The following SERPINA7 variants were observed in gnomAD, a reference collection of about 807,000 sequenced individuals.
SERPINA7 encodes the protein serpin family A member 7.
SERPINA7 carries 14 observed loss-of-function variants against 16.0 expected under a neutral mutation model. The ratio of observed to expected loss-of-function variants is 0.88; its 90% CI spans 0.58 to 1.37. SERPINA7 has a LOEUF of 1.37. SERPINA7 is among the 40% of genes most tolerant of loss of function. SERPINA7 has a pLI of 0.00. For missense variants in SERPINA7, 335 were observed against 296.6 expected, an observed-to-expected ratio of 1.13 and a Z score of -0.95; for synonymous variants, 140 against 111.0, an observed-to-expected ratio of 1.26 and a Z score of -1.65.
Position 106,033,439 on chromosome X carries a change from A to ATTAT in SERPINA7, c.*57_*60dup. 1 of 1,138,946 alleles carries ATTAT rather than the reference A, an allele frequency of 8.8e-7. No individual in the cohort carries two copies. The allele number at this position is 1,138,946 out of a possible 1,213,427, so 93.9% of individuals were successfully genotyped here. A position where few individuals can be genotyped will look rare whatever the true frequency, so the allele number is the denominator to read the frequency against. On this transcript the variant is annotated 3_prime_UTR_variant, in exon 5 of 5. Coordinates refer to ENST00000372563, the MANE Select transcript of SERPINA7 (RefSeq NM_000354.6). ...GCTCACATCAATCACACCAGGCTATATTATTTATTTATTTCCCATTGCAAT... is the reference window on the plus strand; with the variant it reads ...GCTCACATCAATCACACCAGGCTATATTATTTATTTATTTATTTCCCATTGCAAT...
At chrX:106,036,019 C>T (rs1468033345) in intron 2 of SERPINA7, among the ~76,000 whole-genome samples, 1 of 112,227 alleles carries the variant, frequency 8.9e-6, no homozygotes, top group Non-Finnish European at 1.9e-5. Context: ...GTTTAGTACA[C>T]AGTGAGTGCA....
chrX:106,036,678 T>C lies in SERPINA7; in HGVS notation c.381A>G (p.Glu127=). The C allele has an allele frequency of 8.3e-7, 1 of 1,211,029 alleles. No individual in the cohort carries two copies. Among genetic ancestry groups the C allele is most frequent in the Non-Finnish European group, 1.1e-6 (1 of 895,219 alleles). Residue 127 remains glutamate (E), a synonymous_variant, in exon 2 of 5, where the codon GAA becomes GAG. Coordinates refer to ENST00000372563, the MANE Select transcript of SERPINA7 (RefSeq NM_000354.6). ...CSLNFPKKEL[E]LQIGNALFIG... is the part of the protein sequence containing the mutation. ...TGAAGAGGGCATTTCCTATCTGCAATTCCAGTTCCTTCTTTGGAAAATTCA... is the reference window on the plus strand; with the variant it reads ...TGAAGAGGGCATTTCCTATCTGCAACTCCAGTTCCTTCTTTGGAAAATTCA...
intron 1 of SERPINA7, 121 bp downstream of exon 1, chrX:106,038,577 A>T (rs957619157): frequency 1.3e-4 from 14 of 111,332 alleles, no homozygotes; most frequent in Admixed American, 7.7e-4. Flanking sequence ...GACCACACTT[A>T]GACCTTCACC....
intron 1 of SERPINA7, chrX:106,037,295 G>A (rs2041459545): frequency 7.7e-6 from 3 of 391,449 alleles, no homozygotes; most frequent in South Asian, 4.5e-5. Flanking sequence ...CTGCAACCAC[G>A]GAAATAATGC....
rs1406970506 is a variant in SERPINA7, at chrX:106,035,261, A to G, written c.747T>C (p.Asp249=). The G allele has an allele frequency of 1.7e-6, 2 of 1,211,136 alleles. No individual in the cohort carries two copies. Among genetic ancestry groups the G allele is most frequent in the Non-Finnish European group, 2.2e-6 (2 of 895,099 alleles). The change falls in exon 3 of 5, where the codon GAT becomes GAC. Residue 249 remains aspartate, a synonymous_variant. Coordinates refer to ENST00000372563, the MANE Select transcript of SERPINA7 (RefSeq NM_000354.6). ...HQMEQYYHLV[D]MELNCTVLQM... is the part of the protein sequence containing the mutation. ...GCAGAACTGTGCAGTTCAATTCCAT[A>G]TCCACTAGGTGATAGTATTGTTCCA...
chrX:106,036,575 C>T lies in SERPINA7; in HGVS notation c.484G>A (p.Asp162Asn), dbSNP rs202158938. The T allele has an allele frequency of 1.5e-5, 18 of 1,210,991 alleles. No individual in the cohort carries two copies. Among genetic ancestry groups the T allele is most frequent in the East Asian group, 5.9e-5 (2 of 33,785 alleles). The part of the protein sequence containing the change: ...TLYETEVFST[D>N]FSNISAAKQE... ...TTGGCTGCAGAAATGTTGGAGAAGT[C>T]GGTAGAAAAGACTTCAGTCTCATAG... Residue 162 changes from aspartate (D) to asparagine (N), a missense_variant, in exon 2 of 5, where the codon GAC becomes AAC. Transcript: ENST00000372563.
At chrX:106,035,460 T>C in intron 2 of SERPINA7, 75 bp from the exon 3 acceptor site, 1 of 1,023,541 alleles carries the variant, frequency 9.8e-7, no homozygotes, top group Non-Finnish European at 1.4e-6. Context: ...CCATTAGTGA[T>C]TTCATTTAGA....
Position 106,033,375 on chromosome X carries a change from G to T in SERPINA7, c.*125C>A. The T allele has an allele frequency of 2.3e-6, 2 of 879,345 alleles. No homozygotes were observed. Among genetic ancestry groups the T allele is most frequent in the Non-Finnish European group, 3.3e-6 (2 of 597,612 alleles). 72.5% of individuals were successfully genotyped at this position (879,345 alleles called of 1,213,427 possible). On this transcript the variant is annotated 3_prime_UTR_variant, in exon 5 of 5. Coordinates refer to ENST00000372563, the MANE Select transcript of SERPINA7 (RefSeq NM_000354.6). ...CCACAGCCAACAAAGTTCAGCCAGG[G>T]TTCAATCTTCATCCCATCATAAGGG...
rs958307382 is a variant in SERPINA7 at position 106,036,796 on chromosome X, G to T, written c.263C>A (p.Thr88Asn). The T allele has an allele frequency of 1.1e-5, 13 of 1,209,036 alleles. No individual in the cohort carries two copies. The highest frequency in any genetic ancestry group is 1.2e-5 in the Non-Finnish European group (11 of 894,869). Residue 88 changes from threonine to asparagine, a missense_variant, in exon 2 of 5, where the codon ACC becomes AAC. By Grantham distance (65) the Thr-to-Asn change is moderately conservative. Transcript: ENST00000372563. ...CAAGGTCTCCACAATCTCAGTTTGGGTGCTGCAGCAGGCCCCAAAGGAAAG... is the reference window on the plus strand; with the variant it reads ...CAAGGTCTCCACAATCTCAGTTTGGTTGCTGCAGCAGGCCCCAAAGGAAAG... ...VMLSFGACCS[T>N]QTEIVETLGF...
In SERPINA7 at chrX:106,036,894, C is replaced by T. The variant is rs2147843094; in HGVS notation, c.165G>A (p.Arg55=). 1 of 1,210,824 alleles carries T rather than the reference C, an allele frequency of 8.3e-7. No individual in the cohort carries two copies. The change falls in exon 2 of 5, where the codon CGG becomes CGA. Residue 55 remains arginine (R), a synonymous_variant. Coordinates refer to ENST00000372563, the MANE Select transcript of SERPINA7 (RefSeq NM_000354.6). ...TATCTGGGGTCTCCACAGTGAACCT[C>T]CGGTACAGATTGAATGCAAAGTCAG... The part of the protein sequence containing the change: ...INADFAFNLY[R]RFTVETPDKN...
In SERPINA7 at chrX:106,033,607, G is replaced by A. The variant is rs2234040; in HGVS notation, c.1141C>T (p.Leu381=). Residue 381 remains leucine, a synonymous_variant, in exon 5 of 5, where the codon CTA becomes TTA. Coordinates refer to ENST00000372563, the MANE Select transcript of SERPINA7 (RefSeq NM_000354.6). ...CTATCAATTTGGATAATAGGGTGTA[G>A]GAAAGTGTTTTCAGGCTGATCCGAA... The part of the protein sequence containing the change: ...ELSDQPENTF[L]HPIIQIDRSF... The A allele has an allele frequency of 1.7e-6, 2 of 1,211,324 alleles. No individual in the cohort carries two copies. Among genetic ancestry groups the A allele is most frequent in the East Asian group, 3.0e-5 (1 of 33,812 alleles).
chrX:106,032,719 T>G lies in SERPINA7; in HGVS notation c.*781A>C, dbSNP rs2041417083. 9.0e-6 allele frequency: 1 copy of G among 111,312 alleles called. No homozygotes were observed. Among genetic ancestry groups the G allele is most frequent in the Admixed American group, 9.6e-5 (1 of 10,442 alleles). 9.2% of individuals were successfully genotyped at this position (111,312 alleles called of 1,213,427 possible). A position where few individuals can be genotyped will look rare whatever the true frequency, so the allele number is the denominator to read the frequency against. On this transcript the variant is annotated 3_prime_UTR_variant, in exon 5 of 5. Transcript: ENST00000372563. ...ACAAAAGTACCAATATTCAGTGAAA[T>G]TAGAGCCAAAAAGGAGATTCCTACT...
In SERPINA7 at chrX:106,032,468, G is replaced by A. The variant is rs2041415036; in HGVS notation, c.*1032C>T. 1 of 112,137 alleles carries A rather than the reference G, an allele frequency of 8.9e-6. No homozygotes were observed. The highest frequency in any genetic ancestry group is 1.9e-5 in the Non-Finnish European group (1 of 53,184). 9.2% of individuals were successfully genotyped at this position (112,137 alleles called of 1,213,427 possible). On this transcript the variant is annotated 3_prime_UTR_variant, in exon 5 of 5. Coordinates refer to ENST00000372563, the MANE Select transcript of SERPINA7 (RefSeq NM_000354.6). ...TAAACATAAATATTTATTTCAATAT[G>A]GAAGTACAACATCTGCAACAGTACT...
Position 106,033,133 on chromosome X carries a change from T to G in SERPINA7, c.*367A>C. The G allele has an allele frequency of 4.0e-6, 1 of 250,834 alleles. No individual in the cohort carries two copies. The highest frequency in any genetic ancestry group is 2.8e-5 in the African/African-American group (1 of 35,618). 20.7% of individuals were successfully genotyped at this position (250,834 alleles called of 1,213,427 possible). A position where few individuals can be genotyped will look rare whatever the true frequency, so the allele number is the denominator to read the frequency against. On this transcript the variant is annotated 3_prime_UTR_variant, in exon 5 of 5. Transcript: ENST00000372563. ...CATTGTTTTATGTCCATTGATCTTA[T>G]TGGAGTACTGGGATACGAAGACCTG... is the stretch of plus-strand genomic sequence containing the variant.
intron 4 of SERPINA7, among the ~76,000 whole-genome samples, chrX:106,033,974 T>A (rs1402997405): frequency 1.8e-5 from 2 of 112,038 alleles, no homozygotes; most frequent in Non-Finnish European, 3.8e-5. Flanking sequence ...CCTTCAGAAC[T>A]GCATCTCACC....
chrX:106,033,779 G>C (rs1480273830), intron 4 of SERPINA7, 76 bp from the exon 5 acceptor site: 1 of 1,207,002 alleles, frequency 8.3e-7, no homozygotes, highest in East Asian at 3.0e-5. Flanking sequence ...AAGTAAGAAA[G>C]GGAAAGGAAA....
chrX:106,034,791 T>A (rs149521387), intron 3 of SERPINA7, among the ~76,000 whole-genome samples: 3,429 of 111,575 alleles, frequency 0.031, 139 homozygotes, highest in African/African-American at 0.11. Flanking sequence ...TGAGCTCTAG[T>A]TGGTCTACAG....
chrX:106,033,703 C>G lies in SERPINA7; in HGVS notation c.1045G>C (p.Ala349Pro). 1 of 1,210,295 alleles carries G rather than the reference C, an allele frequency of 8.3e-7. No individual in the cohort carries two copies. The highest frequency in any genetic ancestry group is 1.1e-6 in the Non-Finnish European group (1 of 894,452). Residue 349 changes from alanine to proline, a missense_variant and splice_region_variant, in exon 5 of 5, where the codon GCT (alanine) becomes CCT (proline). Transcript: ENST00000372563. ...ATGTGCAGCACAGCCTTATGGGCAG[C>G]CTGTGTGGGGAGAACAAATCCTGCG... The part of the protein sequence containing the change: ...TEDNGLKLSN[A>P]AHKAVLHIGE...
chrX:106,036,930 T>G lies in SERPINA7; in HGVS notation c.129A>C (p.Ser43=), dbSNP rs753472399. 4 of 1,211,463 alleles carry G rather than the reference T, an allele frequency of 3.3e-6. No individual in the cohort carries two copies. The highest frequency in any genetic ancestry group is 3.4e-6 in the Non-Finnish European group (3 of 895,294). The change falls in exon 2 of 5, where the codon TCA becomes TCC. Residue 43 remains serine, a synonymous_variant. Coordinates refer to ENST00000372563, the MANE Select transcript of SERPINA7 (RefSeq NM_000354.6). The part of the protein sequence containing the change: ...SQPNATLYKM[S]SINADFAFNL... ...TGAATGCAAAGTCAGCATTAATGGA[T>G]GACATCTTGTAGAGAGTGGCATTTG...
Sources: allele counts gnomAD v4.1 joint callset (sites outside exome capture counted in the v4.1 genomes callset), GRCh38; gene constraint gnomAD v4.1.1; transcripts MANE v1.5; gene names NCBI Gene and HGNC (gene_info 2026-07-23, HGNC 2026-07-21).